The following ADGRA2 variants were observed in gnomAD, a reference collection of about 807,000 sequenced individuals.
ADGRA2 encodes the protein adhesion G protein-coupled receptor A2.
In ADGRA2, 61 loss-of-function variants were observed where a neutral mutation model predicts 98.7. The observed-to-expected ratio is 0.62, with a 90% CI of 0.50 to 0.76. The LOEUF (loss-of-function observed/expected upper bound fraction) is 0.76. Ranked by LOEUF, ADGRA2 falls within the 30% of genes least tolerant of loss-of-function variation. ADGRA2 has a pLI of 0.00. For synonymous variants in ADGRA2, 858 were observed against 831.5 expected, an observed-to-expected ratio of 1.03 and a Z score of -0.55; for missense variants, 1,712 against 1,860.0, an observed-to-expected ratio of 0.92 and a Z score of 1.46.
intron 1 of ADGRA2, among the ~76,000 whole-genome samples, chr8:37,800,263 T>C (rs1804462065): frequency 2.0e-5 from 3 of 152,166 alleles, no homozygotes; most frequent in Admixed American, 2.0e-4. Flanking sequence ...AGGAGAGATG[T>C]ATGGACCGGG....
chr8:37,821,471 G>A (rs897647098), intron 2 of ADGRA2, among the ~76,000 whole-genome samples: 1 of 152,190 alleles, frequency 6.6e-6, no homozygotes, highest in African/African-American at 2.4e-5. Context: ...CATGCTCCAA[G>A]TACAGCTGGT....
In ADGRA2 at chr8:37,841,815, G is replaced by A; in HGVS notation, c.3477G>A (p.Pro1159=). 1 of 1,530,028 alleles carries A rather than the reference G, an allele frequency of 6.5e-7. No individual in the cohort carries two copies. Among genetic ancestry groups the A allele is most frequent in the Non-Finnish European group, 8.7e-7 (1 of 1,143,864 alleles). The allele number at this position is 1,530,028 out of a possible 1,614,324, so 94.8% of individuals were successfully genotyped here. Reference sequence around the variant, plus strand: ...CGGCGGCCGGCGGGGAAGGAGAGCCGGAGCCGGCGGGCACCCGGGGAAACC... The same window carrying A: ...CGGCGGCCGGCGGGGAAGGAGAGCCAGAGCCGGCGGGCACCCGGGGAAACC... The part of the protein sequence containing the change: ...AGAAAGGEGE[P]EPAGTRGNLA... Residue 1159 remains proline, a synonymous_variant, in exon 19 of 19, where the codon CCG becomes CCA. Coordinates refer to ENST00000412232, the MANE Select transcript of ADGRA2 (RefSeq NM_032777.10). This position sits in a 1 kb window ranked among gnomAD's most constrained non-coding sequence, Gnocchi z 5.0.
At chr8:37,826,221 G>A (rs764110609) in intron 2 of ADGRA2, among the ~76,000 whole-genome samples, 24 of 152,216 alleles carry the variant, frequency 1.6e-4, no homozygotes, top group Non-Finnish European at 2.8e-4. Flanking sequence ...CGTCCCCCAC[G>A]TGGGGGTGGG....
Position 37,797,594 on chromosome 8 carries a change from A to T in ADGRA2, c.266+60A>T. ...GGGACTGGGGACGAAGGGAGGCGAG[A>T]CGGGAGGGGTGGGAGCAGGGGGAAG... On this transcript the variant is annotated intron_variant, in intron 1 of 18. Transcript: ENST00000412232. This position sits in a 1 kb window ranked among gnomAD's most constrained non-coding sequence, Gnocchi z 5.3. The T allele has an allele frequency of 8.3e-7, 1 of 1,206,386 alleles. No homozygotes were observed. The highest frequency in any genetic ancestry group is 1.1e-6 in the Non-Finnish European group (1 of 942,090). The allele number at this position is 1,206,386 out of a possible 1,614,324, so 74.7% of individuals were successfully genotyped here.
In ADGRA2 at chr8:37,836,037, CAACACACA is replaced by C. The variant is rs1315475655; in HGVS notation, c.2050+268_2050+275del. 1.3e-4 allele frequency among the ~76,000 whole-genome samples: 13 copies of C among 102,454 alleles called. No individual in the cohort carries two copies. In the East Asian group the frequency reaches 3.2e-3, roughly 25 times the overall value. 67.2% of individuals were successfully genotyped at this position (102,454 alleles called of 152,430 possible). ...AGAGGGCTATGAGCATAGCCCCCTCCAACACACACACACACACACACACACACACACAC... is the reference window on the plus strand; with the variant it reads ...AGAGGGCTATGAGCATAGCCCCCTCCCACACACACACACACACACACACAC... On this transcript the variant is annotated intron_variant, in intron 13 of 18. Transcript: ENST00000412232.
rs60747416 is a variant in ADGRA2, at chr8:37,817,980, C to G, written c.338+3013C>G. 6.8e-3 allele frequency among the ~76,000 whole-genome samples: 1,041 copies of G among 152,084 alleles called. 17 individuals carry two copies. The East Asian group carries it at 0.072, about 11-fold the overall frequency. The stretch of plus-strand genomic sequence containing the variant: ...TTGCAGCTGAGATCACGCCATTGTA[C>G]TCATTGTACTCCAGCCTGGGCAACA... On this transcript the variant is annotated intron_variant, in intron 2 of 18. Coordinates refer to ENST00000412232, the MANE Select transcript of ADGRA2 (RefSeq NM_032777.10).
rs189166780 is a variant in ADGRA2, at chr8:37,831,934, C to A, written c.1097+347C>A. On this transcript the variant is annotated intron_variant, in intron 8 of 18. Coordinates refer to ENST00000412232, the MANE Select transcript of ADGRA2 (RefSeq NM_032777.10). Reference sequence around the variant, plus strand: ...AATCAGCCAGGCATGGTGGTGCGTGCCTGTAATCCCAACTACTCAGGAGGC... The same window carrying A: ...AATCAGCCAGGCATGGTGGTGCGTGACTGTAATCCCAACTACTCAGGAGGC... 4.7e-4 allele frequency among the ~76,000 whole-genome samples: 71 copies of A among 152,208 alleles called. No homozygotes were observed. The East Asian group carries it at 0.014, about 29-fold the overall frequency.
At chr8:37,840,695 T>C (rs1805761186) in intron 17 of ADGRA2, 65 bp from the exon 18 acceptor site, 2 of 851,954 alleles carry the variant, frequency 2.3e-6, no homozygotes, top group African/African-American at 3.3e-5. Context: ...CAAAGGGCTC[T>C]AAGCACCCAG....
At chr8:37,812,118 G>T in intron 1 of ADGRA2, among the ~76,000 whole-genome samples, 1 of 151,996 alleles carries the variant, frequency 6.6e-6, no homozygotes. Context: ...AAAAAGAAAA[G>T]AAAAGAAAAT....
intron 1 of ADGRA2, among the ~76,000 whole-genome samples, chr8:37,813,314 G>T (rs532589827): frequency 1.3e-5 from 2 of 152,284 alleles, no homozygotes; most frequent in Non-Finnish European, 2.9e-5. Context: ...GAGACCTTTA[G>T]AGGCCTCTAG....
intron 14 of ADGRA2, among the ~76,000 whole-genome samples, chr8:37,838,250 A>ATTTTTTTT (rs11335728): frequency 1.5e-5 from 2 of 129,736 alleles, no homozygotes; most frequent in Admixed American, 7.8e-5. Flanking sequence ...CTGAGACCAG[A>ATTTTTTTT]TTTTTTTTTT....
intron 2 of ADGRA2, among the ~76,000 whole-genome samples, chr8:37,815,476 G>C (rs1027960371): frequency 1.3e-5 from 2 of 152,238 alleles, no homozygotes; most frequent in African/African-American, 4.8e-5. Context: ...CTGGGCAGTG[G>C]CAGCCTTCAG....
intron 8 of ADGRA2, 72 bp downstream of exon 8, chr8:37,831,659 GC>G: frequency 7.2e-7 from 1 of 1,390,512 alleles, no homozygotes; most frequent in Non-Finnish European, 1.0e-6. Context: ...ATCACAGGTG[GC>G]CAGAGTTTCC....
chr8:37,825,817 A>G (rs1805262668), intron 2 of ADGRA2, among the ~76,000 whole-genome samples: 1 of 152,180 alleles, frequency 6.6e-6, no homozygotes, highest in South Asian at 2.1e-4. Flanking sequence ...TGGGTCCTTC[A>G]GGCTCTCAGA....
Position 37,830,124 on chromosome 8 carries a change from C to G in ADGRA2, c.718+110C>G. 1 of 675,288 alleles carries G rather than the reference C, an allele frequency of 1.5e-6. No individual in the cohort carries two copies. Among genetic ancestry groups the G allele is most frequent in the Non-Finnish European group, 2.4e-6 (1 of 421,298 alleles). 41.8% of individuals were successfully genotyped at this position (675,288 alleles called of 1,614,324 possible). A position where few individuals can be genotyped will look rare whatever the true frequency, so the allele number is the denominator to read the frequency against. Reference sequence around the variant, plus strand: ...CCCACAGGTTTTTACCTTTGTATTGCAATTTGCAAAAGACCACGACACTGA... The same window carrying G: ...CCCACAGGTTTTTACCTTTGTATTGGAATTTGCAAAAGACCACGACACTGA... On this transcript the variant is annotated intron_variant, in intron 6 of 18. Transcript: ENST00000412232. The surrounding 1 kb of genome is among the most constrained non-coding windows in gnomAD (Gnocchi z 4.8).
intron 13 of ADGRA2, 28 bp from the exon 14 acceptor site, chr8:37,837,703 C>G (rs1805659498): frequency 6.5e-7 from 1 of 1,535,004 alleles, no homozygotes; most frequent in Non-Finnish European, 8.8e-7. Flanking sequence ...CTGTGTGTGT[C>G]TGTGTGGACG....
At position 37,830,911 on chromosome 8, in the gene ADGRA2, C is replaced by T; in HGVS notation, c.920C>T (p.Thr307Ile). 1 of 1,576,244 alleles carries T rather than the reference C, an allele frequency of 6.3e-7. No homozygotes were observed. Among genetic ancestry groups the T allele is most frequent in the Non-Finnish European group, 8.6e-7 (1 of 1,160,574 alleles). ...LLAESLIHDC[T>I]FITSELTLSH... ...GCCGAGAGCCTCATCCACGACTGCACCTTCATCACCAGGTATGAGCCCCGC... is the reference window on the plus strand; with the variant it reads ...GCCGAGAGCCTCATCCACGACTGCATCTTCATCACCAGGTATGAGCCCCGC... Residue 307 changes from threonine (T) to isoleucine (I), a missense_variant, in exon 7 of 19, where the codon ACC (threonine) becomes ATC (isoleucine). Coordinates refer to ENST00000412232, the MANE Select transcript of ADGRA2 (RefSeq NM_032777.10). The surrounding 1 kb of genome is among the most constrained non-coding windows in gnomAD (Gnocchi z 4.8).
Position 37,829,321 on chromosome 8 carries a change from G to T in ADGRA2, c.471G>T (p.Arg157Ser). ...LTSETFQGLP[R>S]LLRLNISGNI... is the part of the protein sequence containing the mutation. ...CCGAGACCTTCCAGGGCCTCCCCAG[G>T]CTTCTCCGACTGTAAGTGATGGGGT... The change falls in exon 4 of 19, where the codon AGG (arginine) becomes AGT (serine). Residue 157 changes from arginine (R) to serine (S), a missense_variant. Arg to Ser is a moderately radical substitution (Grantham distance 110, BLOSUM62 -1). Coordinates refer to ENST00000412232, the MANE Select transcript of ADGRA2 (RefSeq NM_032777.10). 9 of 1,613,112 alleles carry T rather than the reference G, an allele frequency of 5.6e-6. No homozygotes were observed. Among genetic ancestry groups the T allele is most frequent in the Non-Finnish European group, 7.6e-6 (9 of 1,179,384 alleles).
At chr8:37,826,105 A>G (rs1805272426) in intron 2 of ADGRA2, among the ~76,000 whole-genome samples, 1 of 152,052 alleles carries the variant, frequency 6.6e-6, no homozygotes, top group African/African-American at 2.4e-5. Flanking sequence ...CCGGGGAGGA[A>G]ATGAGAATAA....
Sources: gnomAD v4.1 joint callset for allele counts (sites outside exome capture counted in the v4.1 genomes callset) on GRCh38, gnomAD v4.1.1 for gene constraint, Gnocchi (gnomAD v3.1) non-coding constraint, MANE v1.5 for transcripts, NCBI Gene and HGNC (gene_info 2026-07-23, HGNC 2026-07-21) for gene names.